Variants in PDE4B observed in about 807,000 individuals in gnomAD.
The protein encoded by PDE4B is 3',5'-cyclic-AMP phosphodiesterase 4B.
In PDE4B, 20 loss-of-function variants were observed where a neutral mutation model predicts 82.2. The ratio of observed to expected loss-of-function variants is 0.24; its 90% CI spans 0.17 to 0.35. The LOEUF (loss-of-function observed/expected upper bound fraction) is 0.35. Among genes scored for constraint, PDE4B ranks in the 10% least tolerant of loss-of-function variants. PDE4B has a pLI of 1.00. For synonymous variants in PDE4B, 320 were observed against 318.9 expected (o/e 1.00, Z -0.04); for missense variants, 655 against 907.2 (o/e 0.72, Z 3.57).
At chr1:66,306,059 G>T (rs1658253858) in intron 7 of PDE4B, among the ~76,000 whole-genome samples, 2 of 152,040 alleles carry the variant, frequency 1.3e-5, no homozygotes, top group African/African-American at 2.4e-5. Context: ...TTCAATAAGG[G>T]ATTATAGAAG....
chr1:66,199,652 T>C (rs1328175550), intron 3 of PDE4B, among the ~76,000 whole-genome samples: 2 of 152,162 alleles, frequency 1.3e-5, no homozygotes, highest in Non-Finnish European at 2.9e-5. Flanking sequence ...AAATGTATGC[T>C]TTTTAAACAT....
At chr1:66,110,214 C>A (rs930548063) in intron 3 of PDE4B, among the ~76,000 whole-genome samples, 8 of 151,776 alleles carry the variant, frequency 5.3e-5, no homozygotes, top group African/African-American at 1.9e-4. Context: ...AATTGATGAG[C>A]GTTTGAGGGA....
intron 3 of PDE4B, among the ~76,000 whole-genome samples, chr1:65,985,079 CTATG>C (rs1277783761): frequency 6.6e-6 from 1 of 151,994 alleles, no homozygotes; most frequent in Non-Finnish European, 1.5e-5. Context: ...AATAAACAGA[CTATG>C]TAGTGAAAAA....
intron 4 of PDE4B, among the ~76,000 whole-genome samples, chr1:66,256,303 A>G (rs1654221418): frequency 6.6e-6 from 1 of 152,244 alleles, no homozygotes; most frequent in South Asian, 2.1e-4. Context: ...CTTACTAGGT[A>G]TGTGCTAGTT....
intron 1 of PDE4B, among the ~76,000 whole-genome samples, chr1:65,892,457 T>C (rs1646862001): frequency 6.6e-6 from 1 of 152,116 alleles, no homozygotes. Flanking sequence ...TCAAAACCTA[T>C]TTATGCCTTA....
At chr1:65,884,430 G>A (rs1258463011) in intron 1 of PDE4B, among the ~76,000 whole-genome samples, 2 of 152,064 alleles carry the variant, frequency 1.3e-5, no homozygotes, top group African/African-American at 4.8e-5. Flanking sequence ...GAACAAAGCT[G>A]GAGGCATCAT....
chr1:66,323,499 C>T (rs1024578580), intron 7 of PDE4B, among the ~76,000 whole-genome samples: 1 of 152,080 alleles, frequency 6.6e-6, no homozygotes, highest in African/African-American at 2.4e-5. Context: ...ACCTAATATT[C>T]AGCACTATAC....
At chr1:66,237,575 T>A (rs1332067385) in intron 3 of PDE4B, among the ~76,000 whole-genome samples, 2 of 152,148 alleles carry the variant, frequency 1.3e-5, no homozygotes, top group African/African-American at 4.8e-5. Flanking sequence ...TGAAAACCAG[T>A]CTCATTTTCT....
At chr1:65,912,151 T>G (rs770898128) in intron 1 of PDE4B, among the ~76,000 whole-genome samples, 4 of 152,190 alleles carry the variant, frequency 2.6e-5, no homozygotes, top group Non-Finnish European at 5.9e-5. Context: ...ATTTTGTATT[T>G]TTTATAGTAC....
intron 8 of PDE4B, among the ~76,000 whole-genome samples, chr1:66,336,335 A>G (rs1660515198): frequency 6.6e-6 from 1 of 152,178 alleles, no homozygotes; most frequent in Admixed American, 6.5e-5. Flanking sequence ...CTGGCGGGGA[A>G]TGGGGAGGTG....
At chr1:65,918,198 T>G (rs182444898) in intron 2 of PDE4B, among the ~76,000 whole-genome samples, 1 of 152,280 alleles carries the variant, frequency 6.6e-6, no homozygotes, top group Admixed American at 6.5e-5. Flanking sequence ...ACGAGAAACT[T>G]TATATTTTCT....
intron 3 of PDE4B, among the ~76,000 whole-genome samples, chr1:66,069,400 A>G (rs1570144011): frequency 6.6e-6 from 1 of 152,120 alleles, no homozygotes; most frequent in East Asian, 1.9e-4. Flanking sequence ...CAAATCTCAA[A>G]TTGTCACTCT....
intron 3 of PDE4B, among the ~76,000 whole-genome samples, chr1:66,097,829 G>T (rs1490275111): frequency 6.9e-6 from 1 of 145,028 alleles, no homozygotes; most frequent in South Asian, 2.2e-4. Flanking sequence ...ATTAATTATT[G>T]GACTTTTTAG....
intron 3 of PDE4B, among the ~76,000 whole-genome samples, chr1:66,201,534 G>T (rs1648950792): frequency 1.3e-5 from 2 of 151,622 alleles, no homozygotes; most frequent in African/African-American, 4.9e-5. Flanking sequence ...CCTGTTATTG[G>T]TCTATTCAAA....
chr1:66,041,110 T>C (rs1401222376), intron 3 of PDE4B, among the ~76,000 whole-genome samples: 1 of 151,886 alleles, frequency 6.6e-6, no homozygotes, highest in African/African-American at 2.4e-5. Flanking sequence ...AGGTGTTGTA[T>C]AGAGGTGGAG....
At position 66,112,211 on chromosome 1, in the gene PDE4B, T is replaced by A. The variant is rs1042952899; in HGVS notation, c.282-135249T>A. The stretch of plus-strand genomic sequence containing the variant: ...AGAACAGGAAGACATCCCTGAAAAA[T>A]AAAAGTACTAATAAAAAGGTAAATT... On this transcript the variant is annotated intron_variant, in intron 3 of 16. Coordinates refer to ENST00000341517, the MANE Select transcript of PDE4B (RefSeq NM_002600.4). Among the ~76,000 whole-genome samples the A allele has an allele frequency of 2.0e-4, 30 of 152,238 alleles. 1 individual carries two copies. Among genetic ancestry groups the A allele is most frequent in the African/African-American group, 7.0e-4 (29 of 41,562 alleles).
chr1:66,087,169 C>T (rs946506182), intron 3 of PDE4B, among the ~76,000 whole-genome samples: 5 of 152,052 alleles, frequency 3.3e-5, no homozygotes, highest in African/African-American at 1.2e-4. Context: ...GGTCTTTCTC[C>T]TATGGGTATT....
intron 3 of PDE4B, among the ~76,000 whole-genome samples, chr1:65,919,224 C>T (rs938046317): frequency 5.9e-5 from 9 of 152,200 alleles, no homozygotes; most frequent in African/African-American, 2.2e-4. Flanking sequence ...CTGAACTCTA[C>T]ACTTCTCCCT....
At chr1:66,134,166 T>C (rs1646008471) in intron 3 of PDE4B, among the ~76,000 whole-genome samples, 1 of 152,188 alleles carries the variant, frequency 6.6e-6, no homozygotes, top group South Asian at 2.1e-4. Context: ...GCCAGAACCA[T>C]GCTGGCTTCC....
Sources: gnomAD v4.1 joint callset for allele counts (sites outside exome capture counted in the v4.1 genomes callset) on GRCh38, gnomAD v4.1.1 for gene constraint, MANE v1.5 for transcripts, NCBI Gene and HGNC (gene_info 2026-07-23, HGNC 2026-07-21) for gene names.